Variants in CLEC16A observed in about 807,000 individuals in gnomAD.
The protein encoded by CLEC16A is protein CLEC16A.
A neutral mutation model predicts 109.5 loss-of-function variants in CLEC16A; 51 were observed. That is an observed-to-expected ratio of 0.47 (90% CI 0.37 to 0.59). The LOEUF (loss-of-function observed/expected upper bound fraction) is 0.59. Ranked by LOEUF, CLEC16A falls within the 20% of genes least tolerant of loss-of-function variation. CLEC16A has a pLI of 0.00. For synonymous variants in CLEC16A, 673 were observed against 564.2 expected (o/e 1.19, Z -2.73); for missense variants, 1,339 against 1,394.0 (o/e 0.96, Z 0.63).
At chr16:10,991,421 C>G (rs1246284779) in intron 10 of CLEC16A, among the ~76,000 whole-genome samples, 1 of 97,330 alleles carries the variant, frequency 1.0e-5, no homozygotes, top group Non-Finnish European at 1.8e-5. Context: ...AAGACTCCGT[C>G]TCAAAAAAAA....
intron 18 of CLEC16A, among the ~76,000 whole-genome samples, chr16:11,054,302 T>A (rs1007726594): frequency 1.1e-4 from 16 of 152,234 alleles, no homozygotes; most frequent in African/African-American, 3.9e-4. Context: ...TCTTGTCTAC[T>A]CTGAGCTGCT....
At chr16:10,978,825 C>CAGTTAA (rs1422970051) in intron 8 of CLEC16A, among the ~76,000 whole-genome samples, 2 of 152,198 alleles carry the variant, frequency 1.3e-5, no homozygotes, top group Non-Finnish European at 2.9e-5. Context: ...TTAACCTGAG[C>CAGTTAA]CCGTTTCTTC....
At chr16:11,055,951 T>C (rs2048191557) in intron 18 of CLEC16A, among the ~76,000 whole-genome samples, 1 of 152,134 alleles carries the variant, frequency 6.6e-6, no homozygotes, top group Admixed American at 6.6e-5. Flanking sequence ...TTGAACATAT[T>C]CTAGGTGTCA....
chr16:11,033,849 C>T (rs1268213801), intron 13 of CLEC16A, among the ~76,000 whole-genome samples: 1 of 152,196 alleles, frequency 6.6e-6, no homozygotes, highest in Non-Finnish European at 1.5e-5. Context: ...AGTTGGGCCA[C>T]ATAATGAATT....
In CLEC16A at chr16:10,971,236, T is replaced by G. The variant is rs779970758; in HGVS notation, c.598+6T>G. ...AACTTTGAATGTCTATAAAGGTAAGTGTCCTCATGGGCTTGTGTCTCGGCT... is the reference window on the plus strand; with the variant it reads ...AACTTTGAATGTCTATAAAGGTAAGGGTCCTCATGGGCTTGTGTCTCGGCT... On this transcript the variant is annotated splice_donor_region_variant and intron_variant, in intron 5 of 23. Coordinates refer to ENST00000409790, the MANE Select transcript of CLEC16A (RefSeq NM_015226.3). The G allele has an allele frequency of 6.3e-7, 1 of 1,592,778 alleles. No individual in the cohort carries two copies. The highest frequency in any genetic ancestry group is 1.7e-5 in the Admixed American group (1 of 59,616).
At chr16:11,058,688 A>G (rs553892122) in intron 18 of CLEC16A, among the ~76,000 whole-genome samples, 17 of 152,208 alleles carry the variant, frequency 1.1e-4, no homozygotes, top group Non-Finnish European at 2.4e-4. Context: ...ATATTGGCCT[A>G]TATTGGGAGC....
chr16:11,034,462 A>G (rs1303917947), intron 13 of CLEC16A, among the ~76,000 whole-genome samples: 1 of 151,958 alleles, frequency 6.6e-6, no homozygotes, highest in Non-Finnish European at 1.5e-5. Flanking sequence ...ACTAAGGGGG[A>G]AGAATCCAGA....
At chr16:10,990,827 G>T (rs1474552416) in intron 10 of CLEC16A, among the ~76,000 whole-genome samples, 2 of 152,142 alleles carry the variant, frequency 1.3e-5, no homozygotes, top group Non-Finnish European at 2.9e-5. Context: ...TTGAGGGTGA[G>T]GACAGACAAA....
intron 13 of CLEC16A, among the ~76,000 whole-genome samples, chr16:11,035,859 CAAAACACT>C (rs1454808323): frequency 1.3e-5 from 2 of 152,154 alleles, no homozygotes; most frequent in African/African-American, 4.8e-5. Context: ...AGGCCTCCTT[CAAAACACT>C]GGATAGTTGG....
rs114712905 is a variant in CLEC16A, at chr16:11,172,429, T to C, written c.2806+5877T>C. Among the ~76,000 whole-genome samples the C allele has an allele frequency of 3.9e-3, 598 of 152,362 alleles. 7 individuals carry two copies. The highest frequency in any genetic ancestry group is 0.014 in the African/African-American group (568 of 41,590). Reference sequence around the variant, plus strand: ...TCCTTAAATAGCCCACTCACACCTCTGAGCTCCAGATTAGTTGGAGTTCAC... The same window carrying C: ...TCCTTAAATAGCCCACTCACACCTCCGAGCTCCAGATTAGTTGGAGTTCAC... On this transcript the variant is annotated intron_variant, in intron 23 of 23. Transcript: ENST00000409790.
In CLEC16A at chr16:11,126,416, T is replaced by C. The variant is rs1369749898; in HGVS notation, c.2641+270T>C. Reference sequence around the variant, plus strand: ...TTCTCAGAATTGACTAAGAATTTTCTTGGAAATTTCTTGGAAACATTTAAA... The same window carrying C: ...TTCTCAGAATTGACTAAGAATTTTCCTGGAAATTTCTTGGAAACATTTAAA... On this transcript the variant is annotated intron_variant, in intron 22 of 23. Transcript: ENST00000409790. 5 of 1,417,370 alleles carry C rather than the reference T, an allele frequency of 3.5e-6. No individual in the cohort carries two copies. The East Asian group carries it at 1.0e-4, about 28-fold the overall frequency. The allele number at this position is 1,417,370 out of a possible 1,614,324, so 87.8% of individuals were successfully genotyped here.
chr16:11,110,226 G>A (rs932456050), intron 19 of CLEC16A, among the ~76,000 whole-genome samples: 4 of 152,220 alleles, frequency 2.6e-5, no homozygotes, highest in African/African-American at 9.7e-5. Flanking sequence ...TTCAGCACCA[G>A]CCATTGCCCA....
intron 22 of CLEC16A, among the ~76,000 whole-genome samples, chr16:11,155,813 C>T (rs1258231302): frequency 6.6e-6 from 1 of 152,190 alleles, no homozygotes; most frequent in Non-Finnish European, 1.5e-5. Flanking sequence ...GGAGTCCTGG[C>T]GAACACAAGC....
chr16:10,964,979 T>C (rs2042431872), intron 3 of CLEC16A, among the ~76,000 whole-genome samples: 1 of 152,172 alleles, frequency 6.6e-6, no homozygotes, highest in African/African-American at 2.4e-5. Flanking sequence ...CACTGTGCTG[T>C]ACATGAGAGC....
Position 11,020,192 on chromosome 16 carries a change from G to T in CLEC16A, c.1304-1G>T. ...ATCCCAGTCTCCATTTTGGCTTCCA[G>T]AGATCGAGATGGTGATCATGGAGCG... On this transcript the variant is annotated splice_acceptor_variant, in intron 11 of 23. Coordinates refer to ENST00000409790, the MANE Select transcript of CLEC16A (RefSeq NM_015226.3). LOFTEE classifies it high-confidence loss of function. The T allele has an allele frequency of 6.2e-7, 1 of 1,608,392 alleles. No individual in the cohort carries two copies. Among genetic ancestry groups the T allele is most frequent in the Non-Finnish European group, 8.5e-7 (1 of 1,176,690 alleles).
intron 22 of CLEC16A, among the ~76,000 whole-genome samples, chr16:11,156,212 CA>C (rs1197599461): frequency 1.3e-5 from 2 of 151,294 alleles, no homozygotes; most frequent in African/African-American, 2.4e-5. Flanking sequence ...AATACAAAAA[CA>C]AAAAAAATTA....
chr16:10,971,958 C>T (rs536783227), intron 5 of CLEC16A, among the ~76,000 whole-genome samples: 2 of 152,284 alleles, frequency 1.3e-5, no homozygotes, highest in African/African-American at 4.8e-5. Context: ...TTATTACTCC[C>T]TAATGAGGGT....
intron 22 of CLEC16A, among the ~76,000 whole-genome samples, chr16:11,156,106 A>G (rs1365356359): frequency 1.3e-5 from 2 of 152,176 alleles, no homozygotes; most frequent in African/African-American, 4.8e-5. Context: ...TCATGCCTGT[A>G]ATCCCAGCAC....
intron 22 of CLEC16A, among the ~76,000 whole-genome samples, chr16:11,165,946 C>A (rs1230614713): frequency 6.6e-6 from 1 of 152,182 alleles, no homozygotes; most frequent in Non-Finnish European, 1.5e-5. Flanking sequence ...GACTTCAGAG[C>A]GTGGGTCCCC....
Sources: allele counts gnomAD v4.1 joint callset (sites outside exome capture counted in the v4.1 genomes callset), GRCh38; gene constraint gnomAD v4.1.1; transcripts MANE v1.5; gene names NCBI Gene and HGNC (gene_info 2026-07-23, HGNC 2026-07-21).